DPAGT1: variants seen among roughly 807,000 people sequenced by gnomAD.
The protein encoded by DPAGT1 is dolichyl-phosphate N-acetylglucosaminephosphotransferase 1.
DPAGT1 carries 25 observed loss-of-function variants against 39.3 expected under a neutral mutation model. The ratio of observed to expected loss-of-function variants is 0.64; its 90% CI spans 0.46 to 0.89. DPAGT1 has a LOEUF of 0.89. Among genes scored for constraint, DPAGT1 ranks in the 40% least tolerant of loss-of-function variants. The probability of loss-of-function intolerance (pLI) is 0.00; values close to 1 mark genes in which losing one functional copy is unlikely to be tolerated. For missense variants in DPAGT1, 381 were observed against 500.6 expected (o/e 0.76, Z 2.28); for synonymous variants, 193 against 201.4 (o/e 0.96, Z 0.36).
At chr11:119,100,940 C>T in intron 2 of DPAGT1, 78 bp downstream of exon 2, 2 of 1,614,028 alleles carry the variant, frequency 1.2e-6, no homozygotes, top group Non-Finnish European at 1.7e-6. Context: ...CCCCTCCCCA[C>T]AAGCCCAAAT....
chr11:119,097,977 C>T lies in DPAGT1; in HGVS notation c.795G>A (p.Val265=), dbSNP rs956942419. The change falls in exon 6 of 9, where the codon GTG becomes GTA. Residue 265 remains valine, a synonymous_variant. Coordinates refer to ENST00000354202, the MANE Select transcript of DPAGT1 (RefSeq NM_001382.4). This position sits in a 1 kb window ranked among gnomAD's most constrained non-coding sequence, Gnocchi z 4.6. The part of the protein sequence containing the change: ...CYFAGMTFAV[V]GILGHFSKTM... ...TCTTGCTGAAGTGTCCCAAGATGCC[C>T]ACCACGGCAAAGGTCATGCCAGCAA... 1.2e-6 allele frequency: 2 copies of T among 1,614,056 alleles called. No homozygotes were observed. Among genetic ancestry groups the T allele is most frequent in the Admixed American group, 1.7e-5 (1 of 59,994 alleles).
chr11:119,101,268 G>A (rs904679178), intron 1 of DPAGT1, 130 bp from the exon 2 acceptor site: 6 of 1,401,674 alleles, frequency 4.3e-6, no homozygotes, highest in Non-Finnish European at 5.9e-6. Flanking sequence ...TGGTGAGGGG[G>A]GCGGAGGGAG....
chr11:119,097,115 A>G lies in DPAGT1; in HGVS notation c.1161+27T>C. On this transcript the variant is annotated intron_variant, in intron 8 of 8. Transcript: ENST00000354202. The surrounding 1 kb of genome is among the most constrained non-coding windows in gnomAD (Gnocchi z 4.6). The stretch of plus-strand genomic sequence containing the variant: ...GAATCACGCAGAAAGGGAGACACGG[A>G]GGTATAAACTCGATTCCCATCCTCA... 1.2e-6 allele frequency: 2 copies of G among 1,614,248 alleles called. No homozygotes were observed. Among genetic ancestry groups the G allele is most frequent in the South Asian group, 1.1e-5 (1 of 91,090 alleles).
chr11:119,097,038 GAGA>G lies in DPAGT1; in HGVS notation c.1184_1186del (p.Phe395del). Reference sequence around the variant, plus strand: ...GAGTCGAACGAGCTGATATCGAATGGAGAAGGTGATGGCACTGCCCAGGATCTG... The same window carrying G: ...GAGTCGAACGAGCTGATATCGAATGGAGGTGATGGCACTGCCCAGGATCTG... On this transcript the variant is annotated inframe_deletion, in exon 9 of 9. Transcript: ENST00000354202. This position sits in a 1 kb window ranked among gnomAD's most constrained non-coding sequence, Gnocchi z 4.6. The G allele has an allele frequency of 6.2e-7, 1 of 1,614,188 alleles. No individual in the cohort carries two copies. The highest frequency in any genetic ancestry group is 8.5e-7 in the Non-Finnish European group (1 of 1,180,034).
chr11:119,095,478 C>G (rs1473637484), downstream of DPAGT1: 6 of 1,391,500 alleles, frequency 4.3e-6, no homozygotes, highest in African/African-American at 2.9e-5. Flanking sequence ...CGCGCGCGCG[C>G]CGCGAGGCCG....
At chr11:119,094,634 C>A (rs1272226518), downstream of DPAGT1, 8 of 207,874 alleles carry the variant, frequency 3.8e-5, no homozygotes, top group Non-Finnish European at 6.6e-5. Context: ...GGCCTCCCCC[C>A]GGCAGGCTCG....
Position 119,096,914 on chromosome 11 carries a change from G to T in DPAGT1, c.*84C>A. On this transcript the variant is annotated 3_prime_UTR_variant, in exon 9 of 9. Coordinates refer to ENST00000354202, the MANE Select transcript of DPAGT1 (RefSeq NM_001382.4). Reference sequence around the variant, plus strand: ...TGAAGAGTGAGAGAGGCCTGGGCAAGGAGGCAGTCTGGGACCAGAGAGAGA... The same window carrying T: ...TGAAGAGTGAGAGAGGCCTGGGCAATGAGGCAGTCTGGGACCAGAGAGAGA... 6.7e-7 allele frequency: 1 copy of T among 1,497,346 alleles called. No individual in the cohort carries two copies. The highest frequency in any genetic ancestry group is 9.2e-7 in the Non-Finnish European group (1 of 1,082,498). The allele number at this position is 1,497,346 out of a possible 1,614,324, so 92.8% of individuals were successfully genotyped here. A position where few individuals can be genotyped will look rare whatever the true frequency, so the allele number is the denominator to read the frequency against.
downstream of DPAGT1, chr11:119,095,436 A>G (rs1288405784): frequency 3.4e-6 from 5 of 1,459,468 alleles, no homozygotes; most frequent in South Asian, 2.9e-5. Flanking sequence ...CTCAAACACT[A>G]GAACAGACGC....
At position 119,096,562 on chromosome 11, in the gene DPAGT1, T is replaced by G. The variant is rs1366673909; in HGVS notation, c.*436A>C. The G allele has an allele frequency of 3.7e-6, 1 of 269,846 alleles. No individual in the cohort carries two copies. Among genetic ancestry groups the G allele is most frequent in the African/African-American group, 2.2e-5 (1 of 45,164 alleles). 16.7% of individuals were successfully genotyped at this position (269,846 alleles called of 1,614,324 possible). On this transcript the variant is annotated 3_prime_UTR_variant, in exon 9 of 9. Coordinates refer to ENST00000354202, the MANE Select transcript of DPAGT1 (RefSeq NM_001382.4). ...CCATTGAGAGCATGTGGCCCCCTGC[T>G]TAGTTCTTACTAATCAGAACACTTA...
downstream of DPAGT1, chr11:119,094,774 C>T: frequency 1.6e-6 from 1 of 607,798 alleles, no homozygotes; most frequent in East Asian, 3.1e-5. Flanking sequence ...GGGACGGGAG[C>T]GGGGGCGGGC....
In DPAGT1 at chr11:119,098,050, G is replaced by A. The variant is rs1353177850; in HGVS notation, c.729-7C>T. ...AAACACCCGTGATGGGTACCTGTGT[G>A]GGGGAAGAGGATCCGAGCCAGTGGC... On this transcript the variant is annotated splice_region_variant and splice_polypyrimidine_tract_variant and intron_variant, in intron 5 of 8. Coordinates refer to ENST00000354202, the MANE Select transcript of DPAGT1 (RefSeq NM_001382.4). 2 of 1,613,844 alleles carry A rather than the reference G, an allele frequency of 1.2e-6. No individual in the cohort carries two copies. Among genetic ancestry groups the A allele is most frequent in the African/African-American group, 2.7e-5 (2 of 74,926 alleles).
rs1565764037 is a variant in DPAGT1, at chr11:119,098,769, T to C, written c.644-282A>G. Among the ~76,000 whole-genome samples the C allele has an allele frequency of 2.0e-5, 3 of 152,224 alleles. No homozygotes were observed. In the South Asian group the frequency reaches 6.2e-4, roughly 32 times the overall value. ...CTTAGCTTTGTGACCTTGATCTTGA[T>C]CATGACACATTTAACTTCTCTAAGC... On this transcript the variant is annotated intron_variant, in intron 4 of 8. Coordinates refer to ENST00000354202, the MANE Select transcript of DPAGT1 (RefSeq NM_001382.4).
downstream of DPAGT1, chr11:119,095,363 G>T (rs771936621): frequency 1.9e-6 from 3 of 1,581,884 alleles, no homozygotes; most frequent in South Asian, 2.3e-5. Flanking sequence ...CTTGGCGCGG[G>T]CCTTGCCGCC....
chr11:119,096,460 T>G (rs767052699), downstream of DPAGT1: 2 of 178,710 alleles, frequency 1.1e-5, no homozygotes, highest in African/African-American at 2.4e-5. Flanking sequence ...CCACCACCCC[T>G]CCCAATCTAC....
chr11:119,098,623 C>T lies in DPAGT1; in HGVS notation c.644-136G>A, dbSNP rs972162887. The T allele has an allele frequency of 3.7e-6, 3 of 818,042 alleles. No individual in the cohort carries two copies. In the African/African-American group the frequency reaches 5.1e-5, roughly 14 times the overall value. The allele number at this position is 818,042 out of a possible 1,614,324, so 50.7% of individuals were successfully genotyped here. The stretch of plus-strand genomic sequence containing the variant: ...AGTCACTTTTAAGAACTCAATACTC[C>T]TTTTATGTCACCCAAGGCAATTCCC... On this transcript the variant is annotated intron_variant, in intron 4 of 8. Coordinates refer to ENST00000354202, the MANE Select transcript of DPAGT1 (RefSeq NM_001382.4).
intron 1 of DPAGT1, 122 bp downstream of exon 1, chr11:119,101,373 C>A: frequency 6.3e-7 from 1 of 1,578,358 alleles, no homozygotes; most frequent in Non-Finnish European, 8.6e-7. Context: ...TCTCCGAGTT[C>A]CAGGCTGCCT....
chr11:119,101,390 G>A, intron 1 of DPAGT1, 105 bp downstream of exon 1: 3 of 1,599,984 alleles, frequency 1.9e-6, no homozygotes, highest in Non-Finnish European at 2.6e-6. Flanking sequence ...GCCTGGGTTA[G>A]TTCTGAGTCT....
chr11:119,097,637 G>T lies in DPAGT1; in HGVS notation c.918-86C>A. ...TAATAGGAAGAGCATTGAATGTGGA[G>T]TCAACCTGAGATCTATTTCTGGCTC... On this transcript the variant is annotated intron_variant, in intron 6 of 8. Coordinates refer to ENST00000354202, the MANE Select transcript of DPAGT1 (RefSeq NM_001382.4). This position sits in a 1 kb window ranked among gnomAD's most constrained non-coding sequence, Gnocchi z 4.6. The T allele has an allele frequency of 6.6e-7, 1 of 1,512,400 alleles. No homozygotes were observed. Among genetic ancestry groups the T allele is most frequent in the Non-Finnish European group, 9.2e-7 (1 of 1,088,938 alleles). 93.7% of individuals were successfully genotyped at this position (1,512,400 alleles called of 1,614,324 possible).
In DPAGT1 at chr11:119,097,534, C is replaced by A; in HGVS notation, c.935G>T (p.Gly312Val). 1 of 1,614,126 alleles carries A rather than the reference C, an allele frequency of 6.2e-7. No homozygotes were observed. Among genetic ancestry groups the A allele is most frequent in the Non-Finnish European group, 8.5e-7 (1 of 1,180,020 alleles). Residue 312 changes from glycine to valine, a missense_variant, in exon 7 of 9, where the codon GGC (glycine) becomes GTC (valine). Gly to Val is a moderately radical substitution (Grantham distance 109). Coordinates refer to ENST00000354202, the MANE Select transcript of DPAGT1 (RefSeq NM_001382.4). This position sits in a 1 kb window ranked among gnomAD's most constrained non-coding sequence, Gnocchi z 4.6. ...HRIPRLNIKTGKLEMSYSKFK... is the reference protein window; with the variant it reads ...HRIPRLNIKTVKLEMSYSKFK... ...CTTGGAATAGCTCATCTCCAGTTTGCCTGTCTTGATATTGAGTCTGCGGGG... is the reference window on the plus strand; with the variant it reads ...CTTGGAATAGCTCATCTCCAGTTTGACTGTCTTGATATTGAGTCTGCGGGG...
Sources: allele counts gnomAD v4.1 joint callset (sites outside exome capture counted in the v4.1 genomes callset), GRCh38; gene constraint gnomAD v4.1.1; non-coding constraint Gnocchi (gnomAD v3.1); transcripts MANE v1.5; gene names NCBI Gene and HGNC (gene_info 2026-07-23, HGNC 2026-07-21).